The following MTHFD2L variants were observed in gnomAD, a reference collection of about 807,000 sequenced individuals.
The protein encoded by MTHFD2L is bifunctional methylenetetrahydrofolate dehydrogenase/cyclohydrolase 2, mitochondrial.
A neutral mutation model predicts 34.9 loss-of-function variants in MTHFD2L; 29 were observed. That is an observed-to-expected ratio of 0.83 (90% CI 0.62 to 1.13). The LOEUF (loss-of-function observed/expected upper bound fraction) is 1.13. Among genes scored for constraint, MTHFD2L ranks in the 50% most tolerant of loss-of-function variants. MTHFD2L has a pLI of 0.00. For synonymous variants in MTHFD2L, 167 were observed against 155.7 expected (o/e 1.07, Z -0.54); for missense variants, 481 against 446.5 (o/e 1.08, Z -0.70).
At chr4:74,256,169 T>A (rs1204119158) in intron 6 of MTHFD2L, among the ~76,000 whole-genome samples, 4 of 152,214 alleles carry the variant, frequency 2.6e-5, no homozygotes, top group Non-Finnish European at 5.9e-5. Context: ...ATCTGTTGTC[T>A]TGATTTTTTC....
At chr4:74,275,278 G>A (rs747180557) in intron 6 of MTHFD2L, among the ~76,000 whole-genome samples, 9 of 152,002 alleles carry the variant, frequency 5.9e-5, no homozygotes, top group Non-Finnish European at 8.8e-5. Context: ...ACATGATCTC[G>A]TTCCCTTTTG....
At chr4:74,251,924 AG>A (rs990554844) in intron 6 of MTHFD2L, among the ~76,000 whole-genome samples, 7 of 152,252 alleles carry the variant, frequency 4.6e-5, no homozygotes, top group Admixed American at 3.9e-4. Flanking sequence ...CTTAATAAAA[AG>A]CAGTGGGGAA....
At chr4:74,260,914 TA>T (rs200261113) in intron 6 of MTHFD2L, among the ~76,000 whole-genome samples, 3 of 133,252 alleles carry the variant, frequency 2.3e-5, no homozygotes, top group African/African-American at 6.4e-5. Context: ...TGTGTTTTTT[TA>T]AAAAAAACAA....
At chr4:74,149,839 A>C (rs375148400) in intron 1 of MTHFD2L, among the ~76,000 whole-genome samples, 7 of 152,286 alleles carry the variant, frequency 4.6e-5, no homozygotes, top group African/African-American at 1.7e-4. Flanking sequence ...AGGTTTCAAA[A>C]CTTGTGAATA....
chr4:74,267,462 G>A (rs919299185), intron 6 of MTHFD2L, among the ~76,000 whole-genome samples: 3 of 147,964 alleles, frequency 2.0e-5, no homozygotes, highest in Admixed American at 6.8e-5. Context: ...GGCTGGTGGC[G>A]CCATCGTGGC....
chr4:74,245,601 A>G (rs538812526), intron 6 of MTHFD2L, among the ~76,000 whole-genome samples: 1,740 of 152,128 alleles, frequency 0.011, 34 homozygotes, highest in African/African-American at 0.04. Context: ...AGCATTAGGT[A>G]TATCTCCTAA....
chr4:74,294,583 A>T (rs1749398187), intron 7 of MTHFD2L, among the ~76,000 whole-genome samples: 1 of 152,082 alleles, frequency 6.6e-6, no homozygotes, highest in African/African-American at 2.4e-5. Flanking sequence ...GGTATCCTTC[A>T]TGAGTACAAT....
At chr4:74,291,898 G>A (rs577048950) in intron 7 of MTHFD2L, among the ~76,000 whole-genome samples, 64 of 152,310 alleles carry the variant, frequency 4.2e-4, no homozygotes, top group Admixed American at 8.5e-4. Flanking sequence ...TGGCTAATCA[G>A]TCTGACTCAA....
intron 3 of MTHFD2L, 71 bp downstream of exon 3, chr4:74,175,474 T>G: frequency 7.0e-7 from 1 of 1,424,052 alleles, no homozygotes; most frequent in Non-Finnish European, 9.6e-7. Flanking sequence ...AACATCATAT[T>G]ATGATACTGC....
At chr4:74,252,602 A>G (rs1386538913) in intron 6 of MTHFD2L, among the ~76,000 whole-genome samples, 1 of 152,210 alleles carries the variant, frequency 6.6e-6, no homozygotes, top group African/African-American at 2.4e-5. Flanking sequence ...ATTTAAAATG[A>G]AAAATATTTT....
At chr4:74,250,162 G>C (rs1743096906) in intron 6 of MTHFD2L, among the ~76,000 whole-genome samples, 1 of 152,106 alleles carries the variant, frequency 6.6e-6, no homozygotes, top group Non-Finnish European at 1.5e-5. Context: ...ATATTTCTTG[G>C]AGGCTTTGTT....
At chr4:74,193,816 A>G (rs1733001511) in intron 3 of MTHFD2L, among the ~76,000 whole-genome samples, 2 of 152,132 alleles carry the variant, frequency 1.3e-5, no homozygotes, top group South Asian at 4.1e-4. Flanking sequence ...TGTTTTATAA[A>G]TTTTTAAGCA....
chr4:74,194,368 G>A (rs1398536463), intron 3 of MTHFD2L: 1 of 151,938 alleles, frequency 6.6e-6, no homozygotes, highest in East Asian at 1.9e-4. Flanking sequence ...CTTTTAAAGT[G>A]GAGAACTCTT....
chr4:74,159,884 C>G (rs1460729827), intron 1 of MTHFD2L, among the ~76,000 whole-genome samples: 1 of 152,008 alleles, frequency 6.6e-6, no homozygotes, highest in African/African-American at 2.4e-5. Flanking sequence ...AAAGAGGGCA[C>G]TAGGCAAGTT....
At chr4:74,298,973 A>G (rs1293578213) in intron 7 of MTHFD2L, among the ~76,000 whole-genome samples, 1 of 152,008 alleles carries the variant, frequency 6.6e-6, no homozygotes, top group Non-Finnish European at 1.5e-5. Flanking sequence ...CTCATCTATT[A>G]AAATGAAATA....
intron 1 of MTHFD2L, among the ~76,000 whole-genome samples, chr4:74,148,259 A>G (rs553708658): frequency 4.6e-5 from 7 of 152,170 alleles, no homozygotes; most frequent in African/African-American, 1.7e-4. Context: ...GTTTGAAATC[A>G]TAAAGTGTGA....
intron 5 of MTHFD2L, among the ~76,000 whole-genome samples, chr4:74,215,643 C>G (rs1021057640): frequency 9.2e-5 from 14 of 151,734 alleles, no homozygotes; most frequent in Non-Finnish European, 1.6e-4. Flanking sequence ...TCCTATTTGG[C>G]CATCTTGCCA....
At chr4:74,298,580 C>T (rs1749909490) in intron 7 of MTHFD2L, among the ~76,000 whole-genome samples, 1 of 151,950 alleles carries the variant, frequency 6.6e-6, no homozygotes, top group Non-Finnish European at 1.5e-5. Context: ...CCTGAGCATA[C>T]CAGTGGTTTA....
At chr4:74,128,435 G>T (rs1053847551) in intron 1 of MTHFD2L, among the ~76,000 whole-genome samples, 1 of 151,886 alleles carries the variant, frequency 6.6e-6, no homozygotes, top group Non-Finnish European at 1.5e-5. Flanking sequence ...CTATGCATAT[G>T]GTTATCCAGT....
Sources: gnomAD v4.1 joint callset for allele counts (sites outside exome capture counted in the v4.1 genomes callset) on GRCh38, gnomAD v4.1.1 for gene constraint, MANE v1.5 for transcripts, NCBI Gene and HGNC (gene_info 2026-07-23, HGNC 2026-07-21) for gene names.